REST: variants seen among roughly 807,000 people sequenced by gnomAD.
The protein encoded by REST is RE1 silencing transcription factor, also known as RE1-silencing transcription factor.
A neutral mutation model predicts 30.4 loss-of-function variants in REST; 1 was observed. The observed-to-expected ratio is 0.03, with a 90% CI of 0.01 to 0.16. The LOEUF is 0.16. REST is among the 10% of genes least tolerant of loss of function. REST has a pLI of 1.00. For missense variants in REST, 1,259 were observed against 1,329.5 expected, an observed-to-expected ratio of 0.95 and a Z score of 0.82; for synonymous variants, 504 against 451.1, an observed-to-expected ratio of 1.12 and a Z score of -1.49.
In REST at chr4:56,929,853, T is replaced by G; in HGVS notation, c.995T>G (p.Phe332Cys). 6.2e-7 allele frequency: 1 copy of G among 1,602,040 alleles called. No homozygotes were observed. Among genetic ancestry groups the G allele is most frequent in the South Asian group, 1.1e-5 (1 of 88,960 alleles). ...GATTTGCCTTCAGGTGAGAAGCCAT[T>G]TAAATGTGATCAGTGCAGTTATGTG... is the stretch of plus-strand genomic sequence containing the variant. ...HMRTHSGEKP[F>C]KCDQCSYVAS... The change falls in exon 4 of 4, where the codon TTT becomes TGT. Residue 332 changes from phenylalanine to cysteine, a missense_variant. By Grantham distance (205) the Phe-to-Cys change is radical. This residue lies in a region of REST where 125 missense variants were observed against 255.4 expected (regional missense o/e 0.49). Transcript: ENST00000309042.
Position 56,911,315 on chromosome 4 carries a change from A to G in REST, c.677A>G (p.Asn226Ser), listed in dbSNP as rs1719897685. The change falls in exon 2 of 4, where the codon AAT becomes AGT. Residue 226 changes from asparagine to serine, a missense_variant. Coordinates refer to ENST00000309042, the MANE Select transcript of REST (RefSeq NM_005612.5). The stretch of plus-strand genomic sequence containing the variant: ...TGTGACCGCTGCGGCTACAATACTA[A>G]TCGATATGATCACTATACAGCACAC... ...IRCDRCGYNT[N>S]RYDHYTAHLK... 6.2e-7 allele frequency: 1 copy of G among 1,614,158 alleles called. No homozygotes were observed. The highest frequency in any genetic ancestry group is 8.5e-7 in the Non-Finnish European group (1 of 1,180,026).
At chr4:56,924,841 A>G (rs987728308) in intron 3 of REST, among the ~76,000 whole-genome samples, 1 of 151,868 alleles carries the variant, frequency 6.6e-6, no homozygotes, top group Non-Finnish European at 1.5e-5. Flanking sequence ...CTGGTAATGT[A>G]TTGTATGCCG....
chr4:56,909,481 A>G (rs1326726056), intron 1 of REST: 2 of 152,228 alleles, frequency 1.3e-5, no homozygotes, highest in Admixed American at 1.3e-4. Flanking sequence ...GGGAGCAATT[A>G]GAAAAGTCGA....
At chr4:56,925,847 T>C (rs1051072937) in intron 3 of REST, among the ~76,000 whole-genome samples, 5 of 152,188 alleles carry the variant, frequency 3.3e-5, no homozygotes, top group Non-Finnish European at 5.9e-5. Flanking sequence ...AATTTCTACA[T>C]CCTCCCTTTC....
chr4:56,930,407 A>G lies in REST; in HGVS notation c.1549A>G (p.Lys517Glu), dbSNP rs1447300108. Residue 517 changes from lysine to glutamate, a missense_variant, in exon 4 of 4, where the codon AAG (lysine) becomes GAG (glutamate). Lys to Glu is a moderately conservative substitution (Grantham distance 56). Transcript: ENST00000309042. Reference sequence around the variant, plus strand: ...CAATTCAGAAAAATTCAGTAAAACTAAGAAAAGCAAAAGGAAGCTGGAAGT... The same window carrying G: ...CAATTCAGAAAAATTCAGTAAAACTGAGAAAAGCAAAAGGAAGCTGGAAGT... ...GSNSEKFSKT[K>E]KSKRKLEVDS... 10 of 1,614,068 alleles carry G rather than the reference A, an allele frequency of 6.2e-6. No individual in the cohort carries two copies. The highest frequency in any genetic ancestry group is 1.7e-5 in the Admixed American group (1 of 60,002).
In REST at chr4:56,910,852, C is replaced by G. The variant is rs377080732; in HGVS notation, c.214C>G (p.Gln72Glu). ...TGATTACCTGGTCGGTGAAGAAAGACAGATGGCAGAACTGATGCCGGTTGG... is the reference window on the plus strand; with the variant it reads ...TGATTACCTGGTCGGTGAAGAAAGAGAGATGGCAGAACTGATGCCGGTTGG... Reference protein sequence around the residue: ...CCDYLVGEERQMAELMPVGDN... With the variant: ...CCDYLVGEEREMAELMPVGDN... Residue 72 changes from glutamine (Q) to glutamate (E), a missense_variant, in exon 2 of 4, where the codon CAG (glutamine) becomes GAG (glutamate). Gln to Glu is a conservative substitution (Grantham distance 29). This residue lies in a region of REST where 249 missense variants were observed against 251.5 expected (regional missense o/e 0.99). Coordinates refer to ENST00000309042, the MANE Select transcript of REST (RefSeq NM_005612.5). The G allele has an allele frequency of 1.9e-6, 3 of 1,614,140 alleles. No homozygotes were observed. In the South Asian group the frequency reaches 3.3e-5, roughly 18 times the overall value.
At chr4:56,918,821 C>T (rs554994584) in intron 2 of REST, among the ~76,000 whole-genome samples, 2 of 152,170 alleles carry the variant, frequency 1.3e-5, no homozygotes, top group Non-Finnish European at 1.5e-5. Flanking sequence ...CAGGCATGCG[C>T]CACCACGCCT....
intron 1 of REST, chr4:56,909,072 C>T (rs1005071160): frequency 2.0e-5 from 3 of 152,258 alleles, no homozygotes; most frequent in Admixed American, 1.3e-4. Flanking sequence ...GACGGGGGCC[C>T]TAGGGCTGGG....
Position 56,932,356 on chromosome 4 carries a change from C to T in REST, c.*204C>T, listed in dbSNP as rs1293123737. The T allele has an allele frequency of 5.6e-6, 3 of 534,500 alleles. No homozygotes were observed. The highest frequency in any genetic ancestry group is 3.8e-5 in the African/African-American group (2 of 52,286). The allele number at this position is 534,500 out of a possible 1,614,324, so 33.1% of individuals were successfully genotyped here. On this transcript the variant is annotated 3_prime_UTR_variant, in exon 4 of 4. Transcript: ENST00000309042. ...GTAAATCTAAGAGAGTGTACTAAAC[C>T]AGCAGGTATCTGTTAGCTTATGTGT...
Position 56,931,753 on chromosome 4 carries a change from A to T in REST, c.2895A>T (p.Thr965=), listed in dbSNP as rs141960889. The T allele has an allele frequency of 9.9e-6, 16 of 1,614,132 alleles. No individual in the cohort carries two copies. The highest frequency in any genetic ancestry group is 4.0e-5 in the African/African-American group (3 of 74,944). ...TRENLTGINS[T]VEEPVSPMLP... is the part of the protein sequence containing the mutation. Reference sequence around the variant, plus strand: ...AGAATCTCACTGGTATAAATTCAACAGTTGAAGAACCAGTTTCACCAATGC... The same window carrying T: ...AGAATCTCACTGGTATAAATTCAACTGTTGAAGAACCAGTTTCACCAATGC... The change falls in exon 4 of 4, where the codon ACA becomes ACT. Residue 965 remains threonine, a synonymous_variant. Transcript: ENST00000309042.
chr4:56,929,034 G>C (rs1390871123), intron 3 of REST, among the ~76,000 whole-genome samples: 1 of 151,504 alleles, frequency 6.6e-6, no homozygotes, highest in Non-Finnish European at 1.5e-5. Context: ...GAGTAGCTAG[G>C]ACTACAGGTG....
Position 56,933,925 on chromosome 4 carries a change from A to G in REST, c.*1773A>G, listed in dbSNP as rs1489572971. On this transcript the variant is annotated 3_prime_UTR_variant, in exon 4 of 4. Transcript: ENST00000309042. ...GGCAGTACAACATGAAAGATTAGGA[A>G]AAGCATTAATAACGTGTGGGTGGAA... The G allele has an allele frequency of 6.6e-6, 1 of 152,234 alleles. No individual in the cohort carries two copies. Among genetic ancestry groups the G allele is most frequent in the East Asian group, 1.9e-4 (1 of 5,204 alleles). The allele number at this position is 152,234 out of a possible 1,614,324, so 9.4% of individuals were successfully genotyped here.
At chr4:56,919,938 C>T in intron 3 of REST, 68 bp downstream of exon 3, 5 of 716,938 alleles carry the variant, frequency 7.0e-6, no homozygotes, top group Non-Finnish European at 1.2e-5. Flanking sequence ...TTCTTTTAGA[C>T]TTGTAACCGA....
chr4:56,912,011 A>G (rs1719945908), intron 2 of REST, among the ~76,000 whole-genome samples: 1 of 152,230 alleles, frequency 6.6e-6, no homozygotes, highest in South Asian at 2.1e-4. Context: ...GACAGTGAAC[A>G]CATTTAAGAT....
Position 56,932,383 on chromosome 4 carries a change from TA to T in REST, c.*233del, listed in dbSNP as rs1721007094. The T allele has an allele frequency of 9.3e-6, 4 of 430,940 alleles. No individual in the cohort carries two copies. The highest frequency in any genetic ancestry group is 4.1e-6 in the Non-Finnish European group (1 of 245,204). The allele number at this position is 430,940 out of a possible 1,614,324, so 26.7% of individuals were successfully genotyped here. ...GCAGGTATCTGTTAGCTTATGTGTT[TA>T]ATTGAAATTAGAAGGCTAAGATGGT... On this transcript the variant is annotated 3_prime_UTR_variant, in exon 4 of 4. Transcript: ENST00000309042.
chr4:56,924,485 G>A (rs1034438709), intron 3 of REST, among the ~76,000 whole-genome samples: 39 of 152,216 alleles, frequency 2.6e-4, no homozygotes, highest in Middle Eastern at 6.8e-3. Context: ...TTTGTTTGAG[G>A]TGGGATCTCA....
At chr4:56,915,102 T>A (rs1357499688) in intron 2 of REST, among the ~76,000 whole-genome samples, 1 of 151,276 alleles carries the variant, frequency 6.6e-6, no homozygotes, top group Non-Finnish European at 1.5e-5. Context: ...TTTGTATTTT[T>A]AGTAGAGACA....
At chr4:56,918,981 C>CTTTTT (rs1296441743) in intron 2 of REST, among the ~76,000 whole-genome samples, 1 of 148,046 alleles carries the variant, frequency 6.8e-6, no homozygotes, top group Non-Finnish European at 1.5e-5. Context: ...TCAGCCCAGG[C>CTTTTT]TATTTTTTTT....
Position 56,926,467 on chromosome 4 carries a change from C to T in REST, c.983-3374C>T, listed in dbSNP as rs369197316. Reference sequence around the variant, plus strand: ...TCTCGGCTCACTGCACCCTCTGCCTCCCGGGTTCAAGGGATTCTCCTGCCT... The same window carrying T: ...TCTCGGCTCACTGCACCCTCTGCCTTCCGGGTTCAAGGGATTCTCCTGCCT... On this transcript the variant is annotated intron_variant, in intron 3 of 3. Transcript: ENST00000309042. Among the ~76,000 whole-genome samples, 6 of 151,656 alleles carry T rather than the reference C, an allele frequency of 4.0e-5. No homozygotes were observed. The East Asian group carries it at 7.8e-4, about 20-fold the overall frequency.
Sources: allele counts gnomAD v4.1 joint callset (sites outside exome capture counted in the v4.1 genomes callset), GRCh38; gene constraint gnomAD v4.1.1; regional missense constraint gnomAD v4.1.1; transcripts MANE v1.5; gene names NCBI Gene and HGNC (gene_info 2026-07-23, HGNC 2026-07-21).